NFIL3: variants seen among roughly 807,000 people sequenced by gnomAD.
NFIL3 encodes the protein nuclear factor, interleukin 3 regulated, also known as nuclear factor interleukin-3-regulated protein.
Under a neutral mutation model 10.0 loss-of-function variants are expected in NFIL3, and 5 were observed. The ratio of observed to expected loss-of-function variants is 0.50; its 90% CI spans 0.26 to 1.06. The LOEUF (loss-of-function observed/expected upper bound fraction) is 1.06, where lower values mean the gene tolerates loss of function less well. NFIL3 is among the 50% of genes least tolerant of loss of function. The pLI, the probability that NFIL3 is intolerant of heterozygous loss-of-function variation, is 0.13. For missense variants in NFIL3, 436 were observed against 547.6 expected, an observed-to-expected ratio of 0.80 and a Z score of 2.03; for synonymous variants, 202 against 206.5, an observed-to-expected ratio of 0.98 and a Z score of 0.19.
the NFIL3 span, among the ~76,000 whole-genome samples, chr9:91,469,300 T>C: frequency 6.6e-6 from 1 of 152,204 alleles, no homozygotes; most frequent in African/African-American, 2.4e-5. Flanking sequence ...CAATTGTGAA[T>C]GGGAGTTCAC....
At chr9:91,469,660 T>G in the NFIL3 span, among the ~76,000 whole-genome samples, 1 of 152,208 alleles carries the variant, frequency 6.6e-6, no homozygotes, top group South Asian at 2.1e-4. Flanking sequence ...TGCTATTGGC[T>G]TTGGGTTTGT....
chr9:91,447,607 C>T, the NFIL3 span, among the ~76,000 whole-genome samples: 1 of 152,198 alleles, frequency 6.6e-6, no homozygotes, highest in African/African-American at 2.4e-5. Context: ...TATCTTATCG[C>T]ATCCTTATTG....
At chr9:91,434,349 G>A in the NFIL3 span, among the ~76,000 whole-genome samples, 1 of 152,108 alleles carries the variant, frequency 6.6e-6, no homozygotes, top group Non-Finnish European at 1.5e-5. Context: ...ATATCAGATT[G>A]CATGGGAGTA....
chr9:91,425,570 A>G (rs1481615497), upstream of NFIL3, among the ~76,000 whole-genome samples: 1 of 152,038 alleles, frequency 6.6e-6, no homozygotes, highest in Non-Finnish European at 1.5e-5. Flanking sequence ...CATCCCCTCC[A>G]CTACACATTT....
the NFIL3 span, among the ~76,000 whole-genome samples, chr9:91,434,207 G>C: frequency 2.6e-5 from 4 of 152,182 alleles, no homozygotes; most frequent in Admixed American, 2.6e-4. Context: ...TGGAGACCAG[G>C]AGATTGAGAC....
At chr9:91,481,949 G>A in the NFIL3 span, among the ~76,000 whole-genome samples, 1 of 152,088 alleles carries the variant, frequency 6.6e-6, no homozygotes, top group African/African-American at 2.4e-5. Context: ...GAAATTTTAA[G>A]AAATAGTAAG....
the NFIL3 span, among the ~76,000 whole-genome samples, chr9:91,439,464 A>G: frequency 6.6e-6 from 1 of 151,184 alleles, no homozygotes; most frequent in Non-Finnish European, 1.5e-5. Context: ...TGCAAAATAG[A>G]GATACTTTTT....
chr9:91,474,688 C>G, the NFIL3 span, among the ~76,000 whole-genome samples: 1 of 152,100 alleles, frequency 6.6e-6, no homozygotes, highest in South Asian at 2.1e-4. Context: ...CCTGGGAATC[C>G]TAACACTCTG....
the NFIL3 span, among the ~76,000 whole-genome samples, chr9:91,446,666 A>T: frequency 6.6e-6 from 1 of 151,998 alleles, no homozygotes; most frequent in Non-Finnish European, 1.5e-5. Context: ...CTGTCTCCAT[A>T]CATTTGACCA....
chr9:91,470,970 G>A, the NFIL3 span, among the ~76,000 whole-genome samples: 1 of 152,288 alleles, frequency 6.6e-6, no homozygotes, highest in East Asian at 1.9e-4. Flanking sequence ...TAAGTGTGAT[G>A]TGGTGCTGAG....
the NFIL3 span, among the ~76,000 whole-genome samples, chr9:91,436,385 C>T: frequency 6.6e-6 from 1 of 152,086 alleles, no homozygotes; most frequent in African/African-American, 2.4e-5. Flanking sequence ...GAGACCATCC[C>T]GGCTAACACG....
chr9:91,466,355 G>A, the NFIL3 span, among the ~76,000 whole-genome samples: 2 of 152,128 alleles, frequency 1.3e-5, no homozygotes, highest in African/African-American at 4.8e-5. Flanking sequence ...GATGCTTCCT[G>A]AGAACACAAG....
chr9:91,480,042 C>T, the NFIL3 span, among the ~76,000 whole-genome samples: 2 of 152,116 alleles, frequency 1.3e-5, no homozygotes, highest in African/African-American at 4.8e-5. Flanking sequence ...ATGCAGAAAT[C>T]ACCCACTCTC....
chr9:91,459,170 T>C, the NFIL3 span, among the ~76,000 whole-genome samples: 1 of 152,158 alleles, frequency 6.6e-6, no homozygotes, highest in Non-Finnish European at 1.5e-5. Context: ...AATTTTCCAT[T>C]GTGGACCTGC....
chr9:91,474,224 A>G, the NFIL3 span, among the ~76,000 whole-genome samples: 1 of 151,722 alleles, frequency 6.6e-6, no homozygotes, highest in Middle Eastern at 3.4e-3. Flanking sequence ...TTCTTCTTTA[A>G]TGTGTTGATA....
At chr9:91,421,835 T>G (rs1833776323) in intron 1 of NFIL3, among the ~76,000 whole-genome samples, 1 of 152,244 alleles carries the variant, frequency 6.6e-6, no homozygotes, top group African/African-American at 2.4e-5. Flanking sequence ...ACCCTGCACT[T>G]AATTTAAATG....
chr9:91,470,431 T>C, the NFIL3 span, among the ~76,000 whole-genome samples: 4 of 137,804 alleles, frequency 2.9e-5, no homozygotes, highest in African/African-American at 1.2e-4. Context: ...TTAGTCTTGC[T>C]AGTGGTGTAT....
At chr9:91,458,229 T>C in the NFIL3 span, among the ~76,000 whole-genome samples, 1 of 152,140 alleles carries the variant, frequency 6.6e-6, no homozygotes, top group African/African-American at 2.4e-5. Context: ...ATTATTTTCT[T>C]AAATATTTGG....
chr9:91,419,863 G>A (rs1334404191), intron 1 of NFIL3, among the ~76,000 whole-genome samples: 2 of 152,202 alleles, frequency 1.3e-5, no homozygotes, highest in South Asian at 2.1e-4. Context: ...TGAAAATTTG[G>A]TCAAAAGGGT....
Sources: allele counts gnomAD v4.1 joint callset (sites outside exome capture counted in the v4.1 genomes callset), GRCh38; gene constraint gnomAD v4.1.1; transcripts MANE v1.5; gene names NCBI Gene and HGNC (gene_info 2026-07-23, HGNC 2026-07-21).